CIMAP3: variants seen among roughly 807,000 people sequenced by gnomAD.
CIMAP3 encodes ciliary microtubule-associated protein 3.
chr1:111,329,746 G>T, the CIMAP3 span, among the ~76,000 whole-genome samples: 4 of 151,478 alleles, frequency 2.6e-5, no homozygotes, highest in Admixed American at 2.0e-4. Context: ...TAGAGACAGG[G>T]TTTCACCACA....
the CIMAP3 span, among the ~76,000 whole-genome samples, chr1:111,345,184 T>C: frequency 6.6e-6 from 1 of 152,228 alleles, no homozygotes; most frequent in South Asian, 2.1e-4. Context: ...TAATGGGTGA[T>C]TGCATTTCTT....
the CIMAP3 span, among the ~76,000 whole-genome samples, chr1:111,341,522 G>C: frequency 6.6e-6 from 1 of 152,302 alleles, no homozygotes; most frequent in Non-Finnish European, 1.5e-5. Context: ...TGTGTGGCCT[G>C]TGTGAACTTC....
At chr1:111,350,233 T>C in the CIMAP3 span, 1 of 1,575,456 alleles carries the variant, frequency 6.3e-7, no homozygotes. Flanking sequence ...GGTAATAAGA[T>C]TGGAACTTCT....
At chr1:111,344,781 A>T in the CIMAP3 span, among the ~76,000 whole-genome samples, 1 of 152,244 alleles carries the variant, frequency 6.6e-6, no homozygotes, top group Non-Finnish European at 1.5e-5. Flanking sequence ...ATGGAAGTAA[A>T]AATCATCAAA....
chr1:111,335,127 CAAAAAAAAAAA>C, the CIMAP3 span, among the ~76,000 whole-genome samples: 2 of 29,336 alleles, frequency 6.8e-5, no homozygotes, highest in South Asian at 4.3e-3. Context: ...GTCTCTGTCT[CAAAAAAAAAAA>C]AAAAAAAAAA....
the CIMAP3 span, among the ~76,000 whole-genome samples, chr1:111,329,445 A>G: frequency 6.8e-6 from 1 of 146,132 alleles, no homozygotes; most frequent in African/African-American, 2.5e-5. Flanking sequence ...ATGTTTTCCA[A>G]GTTGTTTGCT....
chr1:111,332,955 T>A, the CIMAP3 span, among the ~76,000 whole-genome samples: 1 of 152,170 alleles, frequency 6.6e-6, no homozygotes, highest in African/African-American at 2.4e-5. Flanking sequence ...TGTGGAGCTG[T>A]TTCTCAAGTT....
chr1:111,324,875 G>A, the CIMAP3 span: 2 of 984,980 alleles, frequency 2.0e-6, no homozygotes, highest in Non-Finnish European at 2.4e-6. Flanking sequence ...CCATACATCT[G>A]GAACTTTGGT....
the CIMAP3 span, among the ~76,000 whole-genome samples, chr1:111,332,987 C>T: frequency 7.9e-3 from 1,203 of 152,296 alleles, 15 homozygotes; most frequent in African/African-American, 0.027. Flanking sequence ...CACAGGGGCA[C>T]TGGACAGGAC....
chr1:111,324,782 C>A, the CIMAP3 span: 1 of 985,286 alleles, frequency 1.0e-6, no homozygotes, highest in Admixed American at 6.1e-5. Flanking sequence ...TTGCCCAGAA[C>A]GACTGAGGAA....
At chr1:111,337,396 G>C in the CIMAP3 span, among the ~76,000 whole-genome samples, 1 of 152,152 alleles carries the variant, frequency 6.6e-6, no homozygotes, top group Non-Finnish European at 1.5e-5. Context: ...AAAAGACACA[G>C]ACTGGCAAAT....
the CIMAP3 span, chr1:111,324,806 T>C: frequency 4.1e-6 from 4 of 985,108 alleles, no homozygotes; most frequent in South Asian, 1.9e-4. Flanking sequence ...AGAAGGTCCA[T>C]GCTATCTTCT....
the CIMAP3 span, among the ~76,000 whole-genome samples, chr1:111,341,135 C>T: frequency 8.0e-5 from 12 of 149,622 alleles, no homozygotes; most frequent in African/African-American, 3.0e-4. Context: ...CATATTCTCA[C>T]TCATAGGTGG....
the CIMAP3 span, among the ~76,000 whole-genome samples, chr1:111,333,383 C>T: frequency 6.6e-6 from 1 of 152,174 alleles, no homozygotes; most frequent in Non-Finnish European, 1.5e-5. Context: ...GGAGGAAGCA[C>T]TCCAGAAGTA....
At chr1:111,330,721 G>C in the CIMAP3 span, among the ~76,000 whole-genome samples, 1 of 152,212 alleles carries the variant, frequency 6.6e-6, no homozygotes, top group African/African-American at 2.4e-5. Flanking sequence ...GGAGGCAGCA[G>C]AGGAAGAGAT....
chr1:111,351,170 T>A, the CIMAP3 span: 1 of 402,386 alleles, frequency 2.5e-6, no homozygotes. Context: ...TGTACAGTTT[T>A]TTTTTTTTTT....
At chr1:111,347,681 G>T in the CIMAP3 span, 5 of 1,604,346 alleles carry the variant, frequency 3.1e-6, no homozygotes, top group Non-Finnish European at 4.3e-6. Context: ...AAGGGATATG[G>T]CTTGGCATAC....
the CIMAP3 span, chr1:111,351,197 G>A: frequency 2.8e-6 from 3 of 1,061,102 alleles, no homozygotes; most frequent in South Asian, 4.0e-5. Context: ...GCATAACTGG[G>A]AAGACCAGAG....
At chr1:111,337,632 A>G in the CIMAP3 span, among the ~76,000 whole-genome samples, 157 of 152,368 alleles carry the variant, frequency 1.0e-3, no homozygotes, top group African/African-American at 3.5e-3. Flanking sequence ...GATCAATTCA[A>G]CAAGAAGAGC....
Sources: allele counts gnomAD v4.1 joint callset (sites outside exome capture counted in the v4.1 genomes callset), GRCh38; gene constraint gnomAD v4.1.1; transcripts MANE v1.5; gene names NCBI Gene and HGNC (gene_info 2026-07-23, HGNC 2026-07-21).